PCNX1: variants seen among roughly 807,000 people sequenced by gnomAD.
PCNX1 encodes the protein pecanex 1.
A neutral mutation model predicts 242.2 loss-of-function variants in PCNX1; 78 were observed. That is an observed-to-expected ratio of 0.32 (90% CI 0.27 to 0.39). PCNX1 has a LOEUF of 0.39. Among genes scored for constraint, PCNX1 ranks in the 10% least tolerant of loss-of-function variants. The pLI, the probability that PCNX1 is intolerant of heterozygous loss-of-function variation, is 1.00. For missense variants in PCNX1, 2,581 were observed against 2,856.5 expected (o/e 0.90, Z 2.20); for synonymous variants, 1,024 against 1,032.9 (o/e 0.99, Z 0.17).
At chr14:71,022,763 G>C (rs1182385805) in intron 12 of PCNX1, among the ~76,000 whole-genome samples, 1 of 152,034 alleles carries the variant, frequency 6.6e-6, no homozygotes, top group African/African-American at 2.4e-5. Flanking sequence ...AGTAAGCTTG[G>C]AATTTATGGG....
intron 2 of PCNX1, among the ~76,000 whole-genome samples, chr14:70,948,015 G>A (rs1219699456): frequency 6.6e-6 from 1 of 152,158 alleles, no homozygotes; most frequent in Admixed American, 6.5e-5. Context: ...GGAAATTCCA[G>A]CCTGGCGAAA....
chr14:71,078,932 T>A (rs1324437623), intron 28 of PCNX1, among the ~76,000 whole-genome samples: 1 of 152,158 alleles, frequency 6.6e-6, no homozygotes, highest in Non-Finnish European at 1.5e-5. Flanking sequence ...ACACATGCCA[T>A]GGTGGCTTGC....
chr14:70,982,125 T>C (rs1467705856), intron 6 of PCNX1, among the ~76,000 whole-genome samples: 1 of 152,174 alleles, frequency 6.6e-6, no homozygotes, highest in Non-Finnish European at 1.5e-5. Flanking sequence ...TACACATAAA[T>C]TGAAGGTGTG....
Position 70,955,865 on chromosome 14 carries a change from T to C in PCNX1, c.363-6361T>C, listed in dbSNP as rs546576219. 4.6e-5 allele frequency among the ~76,000 whole-genome samples: 7 copies of C among 152,328 alleles called. No homozygotes were observed. The East Asian group carries it at 1.4e-3, about 29-fold the overall frequency. On this transcript the variant is annotated intron_variant, in intron 2 of 35. Coordinates refer to ENST00000304743, the MANE Select transcript of PCNX1 (RefSeq NM_014982.3). ...TGCAGAAATTTTACTAGAGGGTTTT[T>C]TTTTTTAAATGAAAACCCCTGTTCA...
At chr14:71,080,984 A>G (rs552986441) in intron 28 of PCNX1, among the ~76,000 whole-genome samples, 74 of 152,316 alleles carry the variant, frequency 4.9e-4, no homozygotes, top group Middle Eastern at 3.4e-3. Flanking sequence ...TTGCTCATTC[A>G]GTATGATATT....
At chr14:70,908,395 G>C (rs1277981742) in intron 1 of PCNX1, among the ~76,000 whole-genome samples, 1 of 152,116 alleles carries the variant, frequency 6.6e-6, no homozygotes, top group African/African-American at 2.4e-5. Flanking sequence ...TCCTTGGCAC[G>C]CTGGGTTCCT....
chr14:71,004,321 A>G (rs1236761174), intron 8 of PCNX1, among the ~76,000 whole-genome samples: 1 of 152,238 alleles, frequency 6.6e-6, no homozygotes, highest in Non-Finnish European at 1.5e-5. Flanking sequence ...ATGGACTGGC[A>G]TGGATCTGCG....
chr14:71,006,440 T>A (rs2140474588), intron 8 of PCNX1, among the ~76,000 whole-genome samples: 1 of 152,260 alleles, frequency 6.6e-6, no homozygotes, highest in East Asian at 1.9e-4. Flanking sequence ...CTATCAGGTA[T>A]AATTAATTGG....
At chr14:70,934,508 C>T (rs2056924521) in intron 1 of PCNX1, among the ~76,000 whole-genome samples, 1 of 152,168 alleles carries the variant, frequency 6.6e-6, no homozygotes, top group Admixed American at 6.5e-5. Flanking sequence ...ACTTGAACTC[C>T]TGGGCTCAAT....
chr14:71,090,012 T>C (rs2062088936), intron 30 of PCNX1, among the ~76,000 whole-genome samples: 1 of 152,210 alleles, frequency 6.6e-6, no homozygotes, highest in Non-Finnish European at 1.5e-5. Context: ...ATAATACTTA[T>C]TTTGACTTCA....
chr14:71,016,128 T>C (rs2059957458), intron 11 of PCNX1, among the ~76,000 whole-genome samples: 1 of 152,182 alleles, frequency 6.6e-6, no homozygotes, highest in Non-Finnish European at 1.5e-5. Flanking sequence ...TCAGGTAAAG[T>C]AGACTTCAGA....
chr14:70,944,328 A>C (rs573072799), intron 1 of PCNX1, among the ~76,000 whole-genome samples: 1 of 152,328 alleles, frequency 6.6e-6, no homozygotes, highest in South Asian at 2.1e-4. Flanking sequence ...AGTGACCTGG[A>C]TGTGAGACAT....
chr14:70,915,524 C>A (rs1444264092), intron 1 of PCNX1, among the ~76,000 whole-genome samples: 1 of 152,114 alleles, frequency 6.6e-6, no homozygotes, highest in Admixed American at 6.6e-5. Flanking sequence ...TTTCAAGTCT[C>A]CTATTTTCAC....
At chr14:70,991,581 T>G (rs560903211) in intron 7 of PCNX1, among the ~76,000 whole-genome samples, 2 of 152,180 alleles carry the variant, frequency 1.3e-5, no homozygotes, top group Non-Finnish European at 2.9e-5. Context: ...TAGTTTTTGT[T>G]GAGGTTCCAG....
intron 1 of PCNX1, among the ~76,000 whole-genome samples, chr14:70,912,637 G>A (rs2055973238): frequency 6.6e-6 from 1 of 151,464 alleles, no homozygotes; most frequent in Non-Finnish European, 1.5e-5. Context: ...CCTTGCTTTT[G>A]AGCAAATCTT....
In PCNX1 at chr14:71,044,199, A is replaced by G. The variant is rs540357034; in HGVS notation, c.3868-934A>G. ...ACGGATGCTAGGTAGGCTAGTCCTC[A>G]GGTGCCAGTAGTGGCTGCAGTGGGT... On this transcript the variant is annotated intron_variant, in intron 19 of 35. Transcript: ENST00000304743. Among the ~76,000 whole-genome samples, 5 of 152,256 alleles carry G rather than the reference A, an allele frequency of 3.3e-5. No individual in the cohort carries two copies. The East Asian group carries it at 9.6e-4, about 29-fold the overall frequency.
intron 1 of PCNX1, among the ~76,000 whole-genome samples, chr14:70,938,471 G>A (rs1468005851): frequency 2.0e-5 from 3 of 152,128 alleles, no homozygotes; most frequent in Admixed American, 2.0e-4. Flanking sequence ...TGCATCCCAG[G>A]GATAAAGCCC....
At chr14:71,073,181 T>A (rs934821517) in intron 26 of PCNX1, among the ~76,000 whole-genome samples, 2 of 152,088 alleles carry the variant, frequency 1.3e-5, no homozygotes, top group Non-Finnish European at 2.9e-5. Flanking sequence ...TAATACCAGC[T>A]CCTCTGGAGG....
chr14:71,013,733 G>A (rs1351271968), intron 11 of PCNX1, among the ~76,000 whole-genome samples: 1 of 152,184 alleles, frequency 6.6e-6, no homozygotes, highest in African/African-American at 2.4e-5. Flanking sequence ...AAAAAGGACA[G>A]TGATTCCTGA....
Sources: allele counts gnomAD v4.1 joint callset (sites outside exome capture counted in the v4.1 genomes callset), GRCh38; gene constraint gnomAD v4.1.1; transcripts MANE v1.5; gene names NCBI Gene and HGNC (gene_info 2026-07-23, HGNC 2026-07-21).